Variants in ELMO2 observed in about 807,000 individuals in gnomAD.
ELMO2 encodes engulfment and cell motility 2.
ELMO2 carries 37 observed loss-of-function variants against 96.2 expected under a neutral mutation model. The observed-to-expected ratio is 0.38, with a 90% CI of 0.30 to 0.51. ELMO2 has a LOEUF of 0.51. ELMO2 is among the 20% of genes least tolerant of loss of function. The pLI is 0.88. For synonymous variants in ELMO2, 315 were observed against 329.4 expected, an observed-to-expected ratio of 0.96 and a Z score of 0.47; for missense variants, 561 against 912.6, an observed-to-expected ratio of 0.61 and a Z score of 4.96.
Position 46,375,451 on chromosome 20 carries a change from TG to T in ELMO2, c.931-82del. ...AAAGAAACAGTGGGTCAGGCTTTTC[TG>T]GGCCAAACTTTGGCCCCAATCAATC... is the stretch of plus-strand genomic sequence containing the variant. On this transcript the variant is annotated intron_variant, in intron 12 of 21. Coordinates refer to ENST00000290246, the MANE Select transcript of ELMO2 (RefSeq NM_133171.5). This position sits in a 1 kb window ranked among gnomAD's most constrained non-coding sequence, Gnocchi z 4.6. The T allele has an allele frequency of 1.3e-6, 2 of 1,563,188 alleles. No homozygotes were observed. The highest frequency in any genetic ancestry group is 1.7e-6 in the Non-Finnish European group (2 of 1,151,936).
At chr20:46,381,573 T>A (rs1477087813) in intron 10 of ELMO2, among the ~76,000 whole-genome samples, 1 of 152,174 alleles carries the variant, frequency 6.6e-6, no homozygotes, top group Non-Finnish European at 1.5e-5. Context: ...ACTTCTCTGG[T>A]AACTATAGGA....
intron 5 of ELMO2, 26 bp from the exon 6 acceptor site, chr20:46,393,169 A>G (rs1354182262): frequency 6.2e-7 from 1 of 1,609,364 alleles, no homozygotes; most frequent in African/African-American, 1.3e-5. Flanking sequence ...TAAACAAAAA[A>G]AGTAACTAAG....
rs1418262414 is a variant in ELMO2, at chr20:46,391,818, CG to C, written c.243+1274del. Among the ~76,000 whole-genome samples, 8 of 152,310 alleles carry C rather than the reference CG, an allele frequency of 5.3e-5. 1 individual carries two copies. The highest frequency in any genetic ancestry group is 3.4e-3 in the Middle Eastern group (1 of 292). The stretch of plus-strand genomic sequence containing the variant: ...ACTGGGCAGATGGGGACAGGAGTTG[CG>C]GGGAGACCTTTTGCTACATCTCTGT... On this transcript the variant is annotated intron_variant, in intron 6 of 21. Transcript: ENST00000290246.
At chr20:46,395,301 T>C (rs544884561) in intron 2 of ELMO2, among the ~76,000 whole-genome samples, 1 of 152,320 alleles carries the variant, frequency 6.6e-6, no homozygotes, top group African/African-American at 2.4e-5. Context: ...GATGGGCCCA[T>C]GTGACTGGTA....
chr20:46,371,789 C>T lies in ELMO2; in HGVS notation c.1580+17G>A. 1.9e-6 allele frequency: 3 copies of T among 1,614,056 alleles called. No homozygotes were observed. In the South Asian group the frequency reaches 3.3e-5, roughly 18 times the overall value. ...GCAGCCACCTCCCCCGCCAGCCTCCCCTGAGATGGAACTTACACAATTGGC... is the reference window on the plus strand; with the variant it reads ...GCAGCCACCTCCCCCGCCAGCCTCCTCTGAGATGGAACTTACACAATTGGC... On this transcript the variant is annotated intron_variant, in intron 17 of 21. Transcript: ENST00000290246. The surrounding 1 kb of genome is among the most constrained non-coding windows in gnomAD (Gnocchi z 5.9).
At chr20:46,373,969 G>A (rs1047727554) in intron 15 of ELMO2, among the ~76,000 whole-genome samples, 11 of 134,854 alleles carry the variant, frequency 8.2e-5, no homozygotes, top group Non-Finnish European at 1.5e-4. Context: ...TCACTCTGTC[G>A]CCCAGGCTGG....
intron 15 of ELMO2, 70 bp downstream of exon 15, chr20:46,374,262 A>G (rs1265582037): frequency 2.3e-6 from 3 of 1,314,182 alleles, no homozygotes; most frequent in African/African-American, 2.9e-5. Flanking sequence ...GTAACTGTTT[A>G]TAATTTTGAG....
intron 6 of ELMO2, chr20:46,390,997 C>T (rs552005888): frequency 2.0e-5 from 3 of 152,490 alleles, no homozygotes; most frequent in African/African-American, 7.2e-5. Context: ...CTCCAAATGT[C>T]AATTTTCCTC....
chr20:46,368,166 TC>T (rs2059623320), intron 21 of ELMO2, among the ~76,000 whole-genome samples: 1 of 152,180 alleles, frequency 6.6e-6, no homozygotes, highest in South Asian at 2.1e-4. Flanking sequence ...TGCTTGTTCT[TC>T]ATTTCCTCTC....
intron 2 of ELMO2, among the ~76,000 whole-genome samples, chr20:46,397,796 A>G (rs2145851808): frequency 6.6e-6 from 1 of 152,306 alleles, no homozygotes; most frequent in East Asian, 1.9e-4. Context: ...CAAGCCAAAG[A>G]TCCGTACGAG....
In ELMO2 at chr20:46,405,243, T is replaced by A. The variant is rs180995552; in HGVS notation, c.-126+1305A>T. Among the ~76,000 whole-genome samples, 30 of 152,224 alleles carry A rather than the reference T, an allele frequency of 2.0e-4. 1 individual carries two copies. In the East Asian group the frequency reaches 5.6e-3, roughly 28 times the overall value. On this transcript the variant is annotated intron_variant, in intron 1 of 21. Transcript: ENST00000290246. ...GGACAAGTACCCAGGGTGATAAACG[T>A]GGGGTACTGGTCGAAAAGTCAGGGA...
intron 11 of ELMO2, among the ~76,000 whole-genome samples, chr20:46,379,285 C>A (rs1470756245): frequency 3.9e-5 from 6 of 152,070 alleles, no homozygotes; most frequent in African/African-American, 1.4e-4. Context: ...TGAGCCACCA[C>A]GTCCGGCCAA....
At chr20:46,395,859 C>A (rs907737568) in intron 2 of ELMO2, among the ~76,000 whole-genome samples, 1 of 152,260 alleles carries the variant, frequency 6.6e-6, no homozygotes, top group South Asian at 2.1e-4. Flanking sequence ...AGCAGCCCCA[C>A]GAATTAGGCA....
intron 20 of ELMO2, 47 bp from the exon 21 acceptor site, chr20:46,369,015 C>G (rs1336813274): frequency 6.3e-7 from 1 of 1,580,114 alleles, no homozygotes; most frequent in Admixed American, 1.7e-5. Flanking sequence ...AGCCTGGGGT[C>G]TGCACATCAA....
chr20:46,370,190 G>A (rs753759659), intron 20 of ELMO2: 1 of 629,732 alleles, frequency 1.6e-6, no homozygotes, highest in South Asian at 1.5e-5. Flanking sequence ...AGATGAAACA[G>A]TGTGATACTT....
intron 10 of ELMO2, among the ~76,000 whole-genome samples, chr20:46,381,995 C>G (rs2038969000): frequency 6.6e-6 from 1 of 152,236 alleles, no homozygotes. Context: ...TGGGGCCACA[C>G]TCCCTGGGGC....
chr20:46,393,275 TCTC>T (rs1208492276), intron 5 of ELMO2, 132 bp from the exon 6 acceptor site: 4 of 982,784 alleles, frequency 4.1e-6, no homozygotes, highest in Non-Finnish European at 6.3e-6. Context: ...CGGGCCCTCT[TCTC>T]CTGCTTATTC....
At chr20:46,378,401 C>T (rs1042233092) in intron 11 of ELMO2, among the ~76,000 whole-genome samples, 1 of 152,230 alleles carries the variant, frequency 6.6e-6, no homozygotes, top group Non-Finnish European at 1.5e-5. Context: ...ATGAGTTGAA[C>T]TTCTAACCCG....
chr20:46,391,223 A>C (rs2060144561), intron 6 of ELMO2, among the ~76,000 whole-genome samples: 1 of 152,196 alleles, frequency 6.6e-6, no homozygotes, highest in African/African-American at 2.4e-5. Flanking sequence ...GCAGAAGAAC[A>C]TGATGGGAGG....
Sources: allele counts gnomAD v4.1 joint callset (sites outside exome capture counted in the v4.1 genomes callset), GRCh38; gene constraint gnomAD v4.1.1; non-coding constraint Gnocchi (gnomAD v3.1); transcripts MANE v1.5; gene names NCBI Gene and HGNC (gene_info 2026-07-23, HGNC 2026-07-21).